A2M: variants seen among roughly 807,000 people sequenced by gnomAD.
A2M encodes the protein alpha-2-macroglobulin, also known as C3 and PZP-like alpha-2-macroglobulin domain-containing protein 5.
In A2M, 128 loss-of-function variants were observed where a neutral mutation model predicts 183.9. The observed-to-expected ratio is 0.70, with a 90% CI of 0.60 to 0.81. The LOEUF is 0.81. Ranked by LOEUF, A2M falls within the 30% of genes least tolerant of loss-of-function variation. A2M has a pLI of 0.00. For missense variants in A2M, 1,495 were observed against 1,787.6 expected, an observed-to-expected ratio of 0.84 and a Z score of 2.95; for synonymous variants, 592 against 670.8, an observed-to-expected ratio of 0.88 and a Z score of 1.81.
At chr12:9,098,808 G>T (rs1949465580) in intron 14 of A2M, 52 bp from the exon 15 acceptor site, 2 of 1,580,078 alleles carry the variant, frequency 1.3e-6, no homozygotes, top group African/African-American at 1.3e-5. Flanking sequence ...GTTTACCCAT[G>T]CATTCACTCG....
intron 34 of A2M, among the ~76,000 whole-genome samples, 185 bp downstream of exon 34, chr12:9,068,555 T>C (rs1045673304): frequency 1.3e-5 from 2 of 152,206 alleles, no homozygotes; most frequent in African/African-American, 4.8e-5. Context: ...TTGATAAATT[T>C]ATAATGTAGG....
rs749556471 is a variant in A2M at position 9,077,881 on chromosome 12, G to C, written c.3120-24C>G. ...GCCTGACCAGGGAGGAAGCAATCAT[G>C]ATGTTTATGTTGTCAAAATGGTTTT... On this transcript the variant is annotated intron_variant, in intron 25 of 35. Transcript: ENST00000318602. 18 of 1,613,820 alleles carry C rather than the reference G, an allele frequency of 1.1e-5. 1 individual carries two copies. In the East Asian group the frequency reaches 4.0e-4, roughly 36 times the overall value.
intron 15 of A2M, 96 bp downstream of exon 15, chr12:9,098,511 A>G: frequency 7.3e-7 from 1 of 1,368,238 alleles, no homozygotes; most frequent in Non-Finnish European, 9.7e-7. Context: ...GATAAATATA[A>G]TTTTAATTGA....
chr12:9,082,751 C>T (rs1948943542), intron 22 of A2M, among the ~76,000 whole-genome samples: 1 of 152,092 alleles, frequency 6.6e-6, no homozygotes, highest in African/African-American at 2.4e-5. Context: ...TCAGAATAAT[C>T]CTCTTGAAGA....
intron 18 of A2M, among the ~76,000 whole-genome samples, chr12:9,092,991 A>G (rs1949258134): frequency 6.6e-6 from 1 of 152,338 alleles, no homozygotes; most frequent in South Asian, 2.1e-4. Context: ...GCTAAGTGAA[A>G]TAAGCCAGAC....
chr12:9,089,245 CT>C lies in A2M; in HGVS notation c.2724del (p.Gly909AspfsTer2). 6.3e-7 allele frequency: 1 copy of C among 1,585,322 alleles called. No individual in the cohort carries two copies. The highest frequency in any genetic ancestry group is 8.6e-7 in the Non-Finnish European group (1 of 1,163,650). On this transcript the variant is annotated frameshift_variant, in exon 22 of 36. Transcript: ENST00000318602. LOFTEE classifies it high-confidence loss of function. ...TVIKPLLVEP[E>X]GLEKETTFNS... is the part of the protein sequence containing the mutation. ...TTGAATGTTGTTTCCTTCTCTAGTCCTTCAGGCTTTAGGTAAAAGAAAGAAA... is the reference window on the plus strand; with the variant it reads ...TTGAATGTTGTTTCCTTCTCTAGTCCTCAGGCTTTAGGTAAAAGAAAGAAA...
intron 34 of A2M, 137 bp downstream of exon 34, chr12:9,068,603 G>A (rs3759277): frequency 0.48 from 340,887 of 709,698 alleles, 87,993 homozygotes; most frequent in African/African-American, 0.76. Context: ...CAAAAAGAGG[G>A]GCATCAGACT....
At chr12:9,107,497 C>A in intron 8 of A2M, 27 bp downstream of exon 8, 2 of 1,612,484 alleles carry the variant, frequency 1.2e-6, no homozygotes, top group South Asian at 1.1e-5. Context: ...TATCGCTATT[C>A]TCTAGAAAAA....
At chr12:9,112,105 G>A (rs1938773173) in intron 4 of A2M, 54 bp downstream of exon 4, 4 of 1,579,270 alleles carry the variant, frequency 2.5e-6, no homozygotes, top group Non-Finnish European at 3.5e-6. Flanking sequence ...CAAAAAACAG[G>A]TTCCCAGCCT....
Position 9,106,345 on chromosome 12 carries a change from A to G in A2M, c.995T>C (p.Val332Ala), listed in dbSNP as rs367715322. 2 of 1,595,738 alleles carry G rather than the reference A, an allele frequency of 1.3e-6. No individual in the cohort carries two copies. Among genetic ancestry groups the G allele is most frequent in the African/African-American group, 1.3e-5 (1 of 74,458 alleles). Residue 332 changes from valine (V) to alanine (A), a missense_variant and splice_region_variant, in exon 10 of 36, where the codon GTG becomes GCG. By Grantham distance (64) the Val-to-Ala change is moderately conservative. Transcript: ENST00000318602. The stretch of plus-strand genomic sequence containing the variant: ...GGACTGCCTTCCAGTCAATTCCACC[A>G]CTGAAAAAAGAGAAAAAAATCTGTT... Reference protein sequence around the residue: ...TEAQIQEEGTVVELTGRQSSE... With the variant: ...TEAQIQEEGTAVELTGRQSSE...
chr12:9,106,495 T>C lies in A2M; in HGVS notation c.990A>G (p.Gly330=). Residue 330 remains glycine (G), a synonymous_variant, in exon 9 of 36, where the codon GGA becomes GGG. Transcript: ENST00000318602. ...LHTEAQIQEE[G]TVVELTGRQS... is the part of the protein sequence containing the mutation. Reference sequence around the variant, plus strand: ...ATACCCATGTAGTACACAAACCTGTTCCTTCTTCTTGGATCTGGGCCTCAG... The same window carrying C: ...ATACCCATGTAGTACACAAACCTGTCCCTTCTTCTTGGATCTGGGCCTCAG... 1 of 1,586,092 alleles carries C rather than the reference T, an allele frequency of 6.3e-7. No individual in the cohort carries two copies. Among genetic ancestry groups the C allele is most frequent in the Non-Finnish European group, 8.6e-7 (1 of 1,160,588 alleles).
At chr12:9,101,836 T>C (rs1937882139) in intron 11 of A2M, among the ~76,000 whole-genome samples, 162 bp from the exon 12 acceptor site, 1 of 152,218 alleles carries the variant, frequency 6.6e-6, no homozygotes, top group South Asian at 2.1e-4. Flanking sequence ...GTTTCTCTGC[T>C]TCAAATGTAG....
intron 29 of A2M, 120 bp downstream of exon 29, chr12:9,074,440 T>G (rs1191570512): frequency 1.0e-6 from 1 of 996,948 alleles, no homozygotes; most frequent in East Asian, 2.6e-5. Flanking sequence ...TACTGAAAAC[T>G]TTTCCTCATT....
At position 9,077,332 on chromosome 12, in the gene A2M, G is replaced by A. The variant is rs187478777; in HGVS notation, c.3351+14C>T. The A allele has an allele frequency of 6.2e-7, 1 of 1,608,244 alleles. No homozygotes were observed. The highest frequency in any genetic ancestry group is 8.5e-7 in the Non-Finnish European group (1 of 1,175,600). On this transcript the variant is annotated intron_variant, in intron 27 of 35. Coordinates refer to ENST00000318602, the MANE Select transcript of A2M (RefSeq NM_000014.6). Reference sequence around the variant, plus strand: ...CAGAACTCTCCTTCAGCAGAGGAATGGGGTGGTACCTACAGTGACTGTGAG... The same window carrying A: ...CAGAACTCTCCTTCAGCAGAGGAATAGGGTGGTACCTACAGTGACTGTGAG...
intron 31 of A2M, among the ~76,000 whole-genome samples, chr12:9,070,841 G>A (rs1473076063): frequency 2.7e-5 from 4 of 146,082 alleles, no homozygotes; most frequent in Non-Finnish European, 6.0e-5. Context: ...TTTTTTTGAT[G>A]GAGTTTTTCA....
intron 13 of A2M, among the ~76,000 whole-genome samples, chr12:9,100,274 A>G (rs1180429118): frequency 1.3e-5 from 2 of 152,228 alleles, no homozygotes. Flanking sequence ...GGTATATACA[A>G]CATACCTTGA....
At chr12:9,113,647 A>G in intron 1 of A2M, 104 bp from the exon 2 acceptor site, 1 of 1,148,572 alleles carries the variant, frequency 8.7e-7, no homozygotes. Context: ...GTTCTACACC[A>G]AGAGAAGATG....
Position 9,079,813 on chromosome 12 carries a change from C to T in A2M, c.2857G>A (p.Asp953Asn). Residue 953 changes from aspartate (D) to asparagine (N), a missense_variant and splice_region_variant, in exon 24 of 36, where the codon GAC becomes AAC. By Grantham distance (23) the Asp-to-Asn change is conservative. Transcript: ENST00000318602. ...TTTTGCATGGCAGAGCCTAATATGT[C>T]TCCTAGAGAATGGGAGAGATGGGAA... ...SARASVSVLGDILGSAMQNTQ... is the reference protein window; with the variant it reads ...SARASVSVLGNILGSAMQNTQ... 1 of 1,594,158 alleles carries T rather than the reference C, an allele frequency of 6.3e-7. No homozygotes were observed. The highest frequency in any genetic ancestry group is 1.2e-5 in the South Asian group (1 of 86,604).
At chr12:9,111,642 G>A (rs1282741740) in intron 4 of A2M, 2 of 412,852 alleles carry the variant, frequency 4.8e-6, no homozygotes, top group South Asian at 3.6e-5. Context: ...CTCTTTTTGA[G>A]ATAAGAAAAT....
Sources: gnomAD v4.1 joint callset for allele counts (sites outside exome capture counted in the v4.1 genomes callset) on GRCh38, gnomAD v4.1.1 for gene constraint, MANE v1.5 for transcripts, NCBI Gene and HGNC (gene_info 2026-07-23, HGNC 2026-07-21) for gene names.